Variants in CUL2 observed in about 807,000 individuals in gnomAD.
CUL2 encodes the protein cullin 2.
A neutral mutation model predicts 110.2 loss-of-function variants in CUL2; 22 were observed. The observed-to-expected ratio is 0.20, with a 90% confidence interval of 0.14 to 0.28. CUL2 has a LOEUF of 0.28. CUL2 is among the 10% of genes least tolerant of loss of function. The pLI is 1.00. For missense variants in CUL2, 631 were observed against 905.5 expected (o/e 0.70, Z 3.89); for synonymous variants, 279 against 293.2 (o/e 0.95, Z 0.49).
At chr10:35,032,396 C>A in intron 12 of CUL2, 39 bp downstream of exon 12, 1 of 1,539,480 alleles carries the variant, frequency 6.5e-7, no homozygotes, top group Admixed American at 2.0e-5. Flanking sequence ...CTAATACTGA[C>A]TTTTCATAAG....
In CUL2 at chr10:35,035,304, G is replaced by A; in HGVS notation, c.878-8C>T. 2 of 1,611,744 alleles carry A rather than the reference G, an allele frequency of 1.2e-6. No homozygotes were observed. Among genetic ancestry groups the A allele is most frequent in the Non-Finnish European group, 1.7e-6 (2 of 1,178,948 alleles). ...CGTACATATTTGCCATGTCTGAGAG[G>A]AAAAAGACATCTGAGGGTTAACTCC... On this transcript the variant is annotated splice_polypyrimidine_tract_variant and splice_region_variant and intron_variant, in intron 9 of 20. Coordinates refer to ENST00000374749, the MANE Select transcript of CUL2 (RefSeq NM_003591.4).
intron 5 of CUL2, 42 bp from the exon 6 acceptor site, chr10:35,049,807 T>C (rs2086050426): frequency 3.7e-6 from 5 of 1,347,724 alleles, no homozygotes; most frequent in Non-Finnish European, 5.3e-6. Context: ...AATTACTTAG[T>C]ATATGTTTAA....
At chr10:35,050,105 G>A (rs934815936) in intron 5 of CUL2, among the ~76,000 whole-genome samples, 4 of 151,978 alleles carry the variant, frequency 2.6e-5, no homozygotes, top group African/African-American at 9.7e-5. Flanking sequence ...GGCACATCAC[G>A]AGGTCAGGAG....
At chr10:35,023,181 T>C (rs775460224) in intron 17 of CUL2, among the ~76,000 whole-genome samples, 3 of 152,066 alleles carry the variant, frequency 2.0e-5, no homozygotes, top group African/African-American at 4.8e-5. Context: ...AATATAAACA[T>C]AACAAAGCAT....
At chr10:35,038,680 G>A (rs531036907) in intron 9 of CUL2, among the ~76,000 whole-genome samples, 13 of 151,216 alleles carry the variant, frequency 8.6e-5, no homozygotes, top group Admixed American at 2.6e-4. Flanking sequence ...AAGGAAATTA[G>A]CTCTTGTAAT....
chr10:35,061,010 T>C (rs764579691), intron 3 of CUL2, 42 bp from the exon 4 acceptor site: 1 of 1,557,848 alleles, frequency 6.4e-7, no homozygotes, highest in Non-Finnish European at 8.7e-7. Flanking sequence ...AAAGCAATAA[T>C]CATTTTCACT....
intron 1 of CUL2, among the ~76,000 whole-genome samples, chr10:35,109,166 C>T (rs887942947): frequency 5.3e-5 from 8 of 152,072 alleles, no homozygotes; most frequent in African/African-American, 1.4e-4. Flanking sequence ...GAGCCATGTT[C>T]GCACCTAGCA....
intron 19 of CUL2, among the ~76,000 whole-genome samples, chr10:35,013,080 C>A (rs2084943831): frequency 6.6e-6 from 1 of 152,114 alleles, no homozygotes. Flanking sequence ...GTGGTTCACA[C>A]CTGTAATCCC....
intron 2 of CUL2, among the ~76,000 whole-genome samples, chr10:35,068,971 C>T (rs868054401): frequency 2.0e-5 from 3 of 152,118 alleles, no homozygotes; most frequent in Admixed American, 2.0e-4. Flanking sequence ...AGGGTTTAAG[C>T]AATTCTCCTG....
In CUL2 at chr10:35,070,786, C is replaced by A. The variant is rs534710257; in HGVS notation, c.119+413G>T. Among the ~76,000 whole-genome samples, 4 of 152,298 alleles carry A rather than the reference C, an allele frequency of 2.6e-5. No homozygotes were observed. In the South Asian group the frequency reaches 8.3e-4, roughly 32 times the overall value. On this transcript the variant is annotated intron_variant, in intron 2 of 20. Coordinates refer to ENST00000374749, the MANE Select transcript of CUL2 (RefSeq NM_003591.4). ...CCTCAGGGAGGCCTTCCTTGGCCAC[C>A]CATTCTAAAAGAGCAGCACCCACAC...
At chr10:35,082,868 G>T (rs1449869571) in intron 1 of CUL2, among the ~76,000 whole-genome samples, 3 of 152,070 alleles carry the variant, frequency 2.0e-5, no homozygotes, top group Non-Finnish European at 4.4e-5. Context: ...AATTACAAAG[G>T]TATCTTTGGC....
At chr10:35,021,263 T>TTTC (rs557306635) in intron 17 of CUL2, among the ~76,000 whole-genome samples, 164 of 74,330 alleles carry the variant, frequency 2.2e-3, no homozygotes, top group African/African-American at 5.3e-3. Flanking sequence ...TCTTTCTTTC[T>TTTC]TTTTTTTTTT....
At chr10:35,055,010 G>A (rs1471595985) in intron 4 of CUL2, among the ~76,000 whole-genome samples, 1 of 152,128 alleles carries the variant, frequency 6.6e-6, no homozygotes, top group Non-Finnish European at 1.5e-5. Context: ...GTAAGTATGG[G>A]CAAGATTGAC....
chr10:35,118,428 T>C (rs1214968848), intron 1 of CUL2: 2 of 152,358 alleles, frequency 1.3e-5, no homozygotes, highest in Admixed American at 1.3e-4. Context: ...AATCTTCCGG[T>C]TCATGAGTGA....
At chr10:35,093,992 A>C (rs2087255083), upstream of CUL2, among the ~76,000 whole-genome samples, 4 of 152,104 alleles carry the variant, frequency 2.6e-5, no homozygotes, top group South Asian at 8.3e-4. Flanking sequence ...CAGTAATTTA[A>C]AAATTTTTAT....
intron 1 of CUL2, chr10:35,118,753 G>A (rs1297226014): frequency 6.6e-6 from 1 of 152,240 alleles, no homozygotes; most frequent in Non-Finnish European, 1.5e-5. Flanking sequence ...GAGGGAAAGG[G>A]AGAAAAGCCT....
upstream of CUL2, among the ~76,000 whole-genome samples, chr10:35,091,307 A>G (rs1427133261): frequency 6.6e-6 from 1 of 152,090 alleles, no homozygotes; most frequent in Non-Finnish European, 1.5e-5. Context: ...CCTTCCTTCC[A>G]AACTGCACGA....
intron 1 of CUL2, among the ~76,000 whole-genome samples, chr10:35,112,399 C>T (rs1173786100): frequency 1.3e-5 from 2 of 152,186 alleles, no homozygotes; most frequent in East Asian, 3.8e-4. Flanking sequence ...ACAATTGAGC[C>T]AGCTTACTGT....
intron 4 of CUL2, among the ~76,000 whole-genome samples, chr10:35,060,596 A>C (rs1589017443): frequency 6.6e-6 from 1 of 152,352 alleles, no homozygotes; most frequent in Middle Eastern, 3.4e-3. Context: ...TGTTGAGATT[A>C]AACATGTGCT....
Sources: allele counts gnomAD v4.1 joint callset (sites outside exome capture counted in the v4.1 genomes callset), GRCh38; gene constraint gnomAD v4.1.1; transcripts MANE v1.5; gene names NCBI Gene and HGNC (gene_info 2026-07-23, HGNC 2026-07-21).